The following HDAC3 variants were observed in gnomAD, a reference collection of about 807,000 sequenced individuals.
HDAC3 encodes SMAP45.
A neutral mutation model predicts 62.3 loss-of-function variants in HDAC3; 21 were observed. The observed-to-expected ratio is 0.34, with a 90% confidence interval of 0.24 to 0.49. The LOEUF (loss-of-function observed/expected upper bound fraction) is 0.49. Among genes scored for constraint, HDAC3 ranks in the 20% least tolerant of loss-of-function variants. HDAC3 has a pLI of 0.99. For synonymous variants in HDAC3, 198 were observed against 206.5 expected, an observed-to-expected ratio of 0.96 and a Z score of 0.35; for missense variants, 270 against 556.9, an observed-to-expected ratio of 0.48 and a Z score of 5.19.
In HDAC3 at chr5:141,621,454, A is replaced by T. The variant is rs997190757; in HGVS notation, c.*14T>A. On this transcript the variant is annotated 3_prime_UTR_variant, in exon 15 of 15. Transcript: ENST00000305264. ...GAAAAGAAATTCCTTGGGACACAGC[A>T]TCCCAAGCCACTCTTAAATCTCCAC... The T allele has an allele frequency of 6.2e-7, 1 of 1,611,578 alleles. No individual in the cohort carries two copies. Among genetic ancestry groups the T allele is most frequent in the Admixed American group, 1.7e-5 (1 of 60,012 alleles).
chr5:141,621,492 G>A lies in HDAC3; in HGVS notation c.1263C>T (p.Asp421=), dbSNP rs1280295729. The A allele has an allele frequency of 6.2e-7, 1 of 1,613,872 alleles. No homozygotes were observed. The highest frequency in any genetic ancestry group is 8.5e-7 in the Non-Finnish European group (1 of 1,179,940). Residue 421 remains aspartate (D), a synonymous_variant, in exon 15 of 15, where the codon GAC becomes GAT. Transcript: ENST00000305264. ...NEFYDGDHDN[D]KESDVEI The stretch of plus-strand genomic sequence containing the variant: ...CTTAAATCTCCACATCGCTTTCCTT[G>A]TCATTGTCATGGTCTCCATCATAGA...
chr5:141,635,203 T>C (rs2099905781), intron 2 of HDAC3: 3 of 416,134 alleles, frequency 7.2e-6, no homozygotes, highest in South Asian at 3.6e-5. Flanking sequence ...CTTTGAGCCC[T>C]GATCCACCTG....
intron 3 of HDAC3, among the ~76,000 whole-genome samples, chr5:141,632,513 G>A (rs1011963136): frequency 1.3e-5 from 2 of 152,144 alleles, no homozygotes; most frequent in East Asian, 1.9e-4. Flanking sequence ...ATAGCCCAGA[G>A]ATAGTATTCT....
Position 141,625,392 on chromosome 5 carries a change from G to A in HDAC3, c.1060-27C>T. The A allele has an allele frequency of 6.2e-7, 1 of 1,612,190 alleles. No individual in the cohort carries two copies. The highest frequency in any genetic ancestry group is 1.1e-5 in the South Asian group (1 of 90,816). ...TGGTTGGAAATGAGGAATACAGAGT[G>A]AGCAGTTTCCAGAGATTCCCAGGAC... On this transcript the variant is annotated intron_variant, in intron 13 of 14. Transcript: ENST00000305264. This position sits in a 1 kb window ranked among gnomAD's most constrained non-coding sequence, Gnocchi z 4.0.
chr5:141,623,962 A>C (rs1260999589), intron 14 of HDAC3, among the ~76,000 whole-genome samples: 1 of 152,094 alleles, frequency 6.6e-6, no homozygotes, highest in Non-Finnish European at 1.5e-5. Flanking sequence ...TGGGATTAAA[A>C]AAAAATTCCA....
chr5:141,636,441 G>C, intron 2 of HDAC3, 107 bp downstream of exon 2: 1 of 970,568 alleles, frequency 1.0e-6, no homozygotes. Flanking sequence ...CCAGCTCCCC[G>C]ATACTCTAGG....
intron 14 of HDAC3, 137 bp from the exon 15 acceptor site, chr5:141,621,674 C>G: frequency 3.0e-6 from 2 of 661,672 alleles, no homozygotes; most frequent in Non-Finnish European, 5.4e-6. Flanking sequence ...ATTCATTCAC[C>G]CATTCACGTA....
chr5:141,626,247 A>G lies in HDAC3; in HGVS notation c.867T>C (p.Pro289=). 1.9e-6 allele frequency: 3 copies of G among 1,614,164 alleles called. No individual in the cohort carries two copies. Among genetic ancestry groups the G allele is most frequent in the South Asian group, 1.1e-5 (1 of 91,082 alleles). Residue 289 remains proline (P), a synonymous_variant, in exon 11 of 15, where the codon CCT becomes CCC. Coordinates refer to ENST00000305264, the MANE Select transcript of HDAC3 (RefSeq NM_003883.4). The surrounding 1 kb of genome is among the most constrained non-coding windows in gnomAD (Gnocchi z 4.6). ...AACCACCACCACCCAGCACGAGTAG[A>G]GGGATATTGAAGCTCTTGACATATT... ...CVEYVKSFNI[P]LLVLGGGGYT...
At chr5:141,627,512 A>G (rs2099904613) in intron 10 of HDAC3, among the ~76,000 whole-genome samples, 1 of 152,198 alleles carries the variant, frequency 6.6e-6, no homozygotes, top group Non-Finnish European at 1.5e-5. Context: ...AAACCATGCT[A>G]TCTCAAGTAG....
At chr5:141,636,454 C>G in intron 2 of HDAC3, 94 bp downstream of exon 2, 1 of 1,064,660 alleles carries the variant, frequency 9.4e-7, no homozygotes, top group Non-Finnish European at 1.5e-6. Flanking sequence ...ACTCTAGGGG[C>G]GGGTCGCACT....
At chr5:141,630,998 T>C (rs2099905128) in intron 3 of HDAC3, among the ~76,000 whole-genome samples, 1 of 152,120 alleles carries the variant, frequency 6.6e-6, no homozygotes, top group South Asian at 2.1e-4. Flanking sequence ...TATACCTTGA[T>C]ATATTCTATC....
At chr5:141,635,259 C>T (rs1444653029) in intron 2 of HDAC3, 1 of 255,060 alleles carries the variant, frequency 3.9e-6, no homozygotes, top group Non-Finnish European at 7.4e-6. Flanking sequence ...CCATGCTCAT[C>T]TCCTCCCCCA....
At chr5:141,633,481 G>A (rs1196917267) in intron 3 of HDAC3, among the ~76,000 whole-genome samples, 1 of 151,938 alleles carries the variant, frequency 6.6e-6, no homozygotes, top group Non-Finnish European at 1.5e-5. Context: ...ATAACATCTA[G>A]GATCTGCTTT....
chr5:141,632,350 T>C (rs1596444233), intron 3 of HDAC3, among the ~76,000 whole-genome samples: 2 of 152,164 alleles, frequency 1.3e-5, no homozygotes, highest in East Asian at 3.9e-4. Flanking sequence ...ATTTTTTTCA[T>C]TTAAAGGCCT....
At chr5:141,636,254 G>A in intron 2 of HDAC3, 1 of 451,534 alleles carries the variant, frequency 2.2e-6, no homozygotes, top group East Asian at 3.8e-5. Context: ...CTAAAATGCA[G>A]AGGAGGAACA....
At position 141,629,884 on chromosome 5, in the gene HDAC3, A is replaced by C; in HGVS notation, c.396T>G (p.Gly132=). The change falls in exon 5 of 15, where the codon GGT becomes GGG. Residue 132 remains glycine, a synonymous_variant. Transcript: ENST00000305264. The surrounding 1 kb of genome is among the most constrained non-coding windows in gnomAD (Gnocchi z 5.3). ...ICDIAINWAG[G]LHHAKKFEAS... is the part of the protein sequence containing the mutation. The stretch of plus-strand genomic sequence containing the variant: ...CCTCAAACTTCTTGGCATGGTGCAG[A>C]CCACCAGCCCAGTTAATGGCAATAT... 6.2e-7 allele frequency: 1 copy of C among 1,614,176 alleles called. No individual in the cohort carries two copies.
rs776017458 is a variant in HDAC3, at chr5:141,621,540, G to A, written c.1218-3C>T. On this transcript the variant is annotated splice_polypyrimidine_tract_variant and splice_region_variant and intron_variant, in intron 14 of 14. Coordinates refer to ENST00000305264, the MANE Select transcript of HDAC3 (RefSeq NM_003883.4). Reference sequence around the variant, plus strand: ...AGAACTCATTGGGTGCCTCTGGCCTGCAAAGCAAGGGGAGAGAGGTCAGGA... The same window carrying A: ...AGAACTCATTGGGTGCCTCTGGCCTACAAAGCAAGGGGAGAGAGGTCAGGA... The A allele has an allele frequency of 1.2e-5, 20 of 1,612,008 alleles. No individual in the cohort carries two copies. In the South Asian group the frequency reaches 2.2e-4, roughly 18 times the overall value.
Position 141,627,929 on chromosome 5 carries a change from C to T in HDAC3, c.794G>A (p.Arg265Gln). The change falls in exon 10 of 15, where the codon CGA becomes CAA. Residue 265 changes from arginine to glutamine, a missense_variant. Physicochemically the swap from Arg to Gln is conservative, Grantham distance 43. This residue lies in a region of HDAC3 where 156 missense variants were observed against 383.9 expected (regional missense o/e 0.41). Transcript: ENST00000305264. ...GATGCTGAGGTTAAAGCAGCCCAAT[C>T]GATCACAGCCCAGAGAGTCAGCTCC... ...QCGADSLGCD[R>Q]LGCFNLSIRG... The T allele has an allele frequency of 6.2e-7, 1 of 1,614,154 alleles. No individual in the cohort carries two copies. Among genetic ancestry groups the T allele is most frequent in the Non-Finnish European group, 8.5e-7 (1 of 1,180,034 alleles).
intron 2 of HDAC3, among the ~76,000 whole-genome samples, chr5:141,635,703 CA>C (rs2099905867): frequency 6.6e-6 from 1 of 152,274 alleles, no homozygotes; most frequent in African/African-American, 2.4e-5. Context: ...CTCCTGGGCC[CA>C]AGCCATCCTC....
Sources: allele counts gnomAD v4.1 joint callset (sites outside exome capture counted in the v4.1 genomes callset), GRCh38; gene constraint gnomAD v4.1.1; regional missense constraint gnomAD v4.1.1; non-coding constraint Gnocchi (gnomAD v3.1); transcripts MANE v1.5; gene names NCBI Gene and HGNC (gene_info 2026-07-23, HGNC 2026-07-21).